Variants in RBFOX1 observed in about 807,000 individuals in gnomAD.
The protein encoded by RBFOX1 is RNA binding protein fox-1 homolog 1.
In RBFOX1, 8 loss-of-function variants were observed where a neutral mutation model predicts 57.7. The observed-to-expected ratio is 0.14, with a 90% CI of 0.08 to 0.25. RBFOX1 has a LOEUF of 0.25. Ranked by LOEUF, RBFOX1 falls within the 10% of genes least tolerant of loss-of-function variation. The probability of loss-of-function intolerance (pLI) is 1.00; values close to 1 mark genes in which losing one functional copy is unlikely to be tolerated. For missense variants in RBFOX1, 611 were observed against 548.5 expected (o/e 1.11, Z -1.14); for synonymous variants, 326 against 222.4 (o/e 1.47, Z -4.15).
chr16:7,077,479 C>T (rs1004824182), intron 4 of RBFOX1, among the ~76,000 whole-genome samples: 14 of 152,084 alleles, frequency 9.2e-5, no homozygotes, highest in African/African-American at 3.1e-4. Context: ...AATAACTGTG[C>T]CATTAGTAAG....
At chr16:7,306,720 T>C (rs553744919) in intron 4 of RBFOX1, among the ~76,000 whole-genome samples, 4 of 152,308 alleles carry the variant, frequency 2.6e-5, no homozygotes, top group Non-Finnish European at 4.4e-5. Flanking sequence ...CGCTAGGGTG[T>C]AAGTGATATA....
chr16:5,728,981 G>T (rs2052258372), intron 3 of RBFOX1, among the ~76,000 whole-genome samples: 1 of 152,192 alleles, frequency 6.6e-6, no homozygotes, highest in Admixed American at 6.5e-5. Flanking sequence ...GCATAGCCCT[G>T]GCTCCTGTCA....
intron 4 of RBFOX1, among the ~76,000 whole-genome samples, chr16:6,003,251 C>A (rs1034149341): frequency 2.1e-4 from 32 of 149,958 alleles, no homozygotes; most frequent in Non-Finnish European, 4.0e-4. Flanking sequence ...TGCACTCCAG[C>A]CTGGGCGACA....
chr16:5,333,907 A>C (rs921127372), intron 1 of RBFOX1, among the ~76,000 whole-genome samples: 2 of 152,218 alleles, frequency 1.3e-5, no homozygotes, highest in Non-Finnish European at 2.9e-5. Context: ...CACCATTGCA[A>C]GTGCATTCTG....
intron 4 of RBFOX1, among the ~76,000 whole-genome samples, chr16:7,077,235 G>C (rs559771544): frequency 1.3e-5 from 2 of 152,326 alleles, no homozygotes; most frequent in African/African-American, 4.8e-5. Flanking sequence ...AATCCATGAG[G>C]GGAAATGTTG....
chr16:7,040,979 A>G (rs61349754), intron 3 of RBFOX1, among the ~76,000 whole-genome samples: 14,319 of 151,494 alleles, frequency 0.095, 1,115 homozygotes, highest in East Asian at 0.32. Context: ...GCAATGATGC[A>G]ATCTCTGCTC....
At chr16:5,579,717 A>C (rs1018678695) in intron 2 of RBFOX1, among the ~76,000 whole-genome samples, 3 of 150,248 alleles carry the variant, frequency 2.0e-5, no homozygotes, top group Admixed American at 2.0e-4. Flanking sequence ...CTTTCATGAC[A>C]CTTATCACAC....
intron 1 of RBFOX1, among the ~76,000 whole-genome samples, chr16:5,324,279 A>G (rs945801725): frequency 2.0e-5 from 3 of 152,202 alleles, no homozygotes; most frequent in Non-Finnish European, 4.4e-5. Flanking sequence ...CCCGGCCAAC[A>G]TGGTGAAACC....
At chr16:7,009,508 A>T (rs2093544695) in intron 3 of RBFOX1, among the ~76,000 whole-genome samples, 1 of 152,066 alleles carries the variant, frequency 6.6e-6, no homozygotes, top group African/African-American at 2.4e-5. Flanking sequence ...TAATCAATCC[A>T]ACAGACTTGC....
At chr16:6,746,952 A>G (rs1175388705) in intron 3 of RBFOX1, among the ~76,000 whole-genome samples, 1 of 152,074 alleles carries the variant, frequency 6.6e-6, no homozygotes, top group Non-Finnish European at 1.5e-5. Context: ...CTTGGGCTCA[A>G]ACTAAAATCT....
At chr16:5,579,172 C>T (rs1391342855) in intron 2 of RBFOX1, among the ~76,000 whole-genome samples, 3 of 152,012 alleles carry the variant, frequency 2.0e-5, no homozygotes, top group Admixed American at 2.0e-4. Context: ...CTAAATTGGT[C>T]AAGACTGGAC....
intron 1 of RBFOX1, among the ~76,000 whole-genome samples, chr16:5,404,942 G>C (rs1347900320): frequency 6.6e-6 from 1 of 152,160 alleles, no homozygotes; most frequent in Non-Finnish European, 1.5e-5. Context: ...AGGAACTTTT[G>C]GAGTCATCAT....
At chr16:6,973,350 T>C (rs114482945) in intron 3 of RBFOX1, among the ~76,000 whole-genome samples, 343 of 152,304 alleles carry the variant, frequency 2.3e-3, no homozygotes, top group African/African-American at 7.6e-3. Context: ...GCAGCACTTA[T>C]TACAATGGTT....
intron 3 of RBFOX1, among the ~76,000 whole-genome samples, chr16:6,722,963 C>T (rs959982905): frequency 6.6e-6 from 1 of 152,126 alleles, no homozygotes; most frequent in Non-Finnish European, 1.5e-5. Context: ...GTCAGGAGTT[C>T]TGCAAGTGAT....
intron 3 of RBFOX1, among the ~76,000 whole-genome samples, chr16:6,676,248 G>A (rs1478548525): frequency 1.3e-5 from 2 of 152,014 alleles, no homozygotes; most frequent in East Asian, 3.9e-4. Context: ...TGTAGTTACG[G>A]GGAGTTCGGA....
intron 4 of RBFOX1, among the ~76,000 whole-genome samples, chr16:7,071,813 C>T (rs930474487): frequency 3.3e-5 from 5 of 151,960 alleles, no homozygotes; most frequent in African/African-American, 1.2e-4. Flanking sequence ...GTGTCTTCTA[C>T]ACACACACAC....
At chr16:6,120,488 C>G (rs2152631076) in intron 1 of RBFOX1, among the ~76,000 whole-genome samples, 1 of 152,258 alleles carries the variant, frequency 6.6e-6, no homozygotes, top group South Asian at 2.1e-4. Flanking sequence ...TCTCCACCAT[C>G]TTGCTTGTCA....
chr16:5,264,054 A>C (rs542913880), intron 1 of RBFOX1, among the ~76,000 whole-genome samples: 76 of 152,298 alleles, frequency 5.0e-4, no homozygotes, highest in African/African-American at 1.7e-3. Context: ...GTTTAGGAGC[A>C]CATTACAAGA....
chr16:6,749,620 A>G (rs2074509658), intron 3 of RBFOX1, among the ~76,000 whole-genome samples: 1 of 152,142 alleles, frequency 6.6e-6, no homozygotes, highest in Admixed American at 6.5e-5. Context: ...GACCTCATAT[A>G]CATTCTTCAT....
Sources: gnomAD v4.1 joint callset for allele counts (sites outside exome capture counted in the v4.1 genomes callset) on GRCh38, gnomAD v4.1.1 for gene constraint, MANE v1.5 for transcripts, NCBI Gene and HGNC (gene_info 2026-07-23, HGNC 2026-07-21) for gene names.